BMPR1B: variants seen among roughly 807,000 people sequenced by gnomAD.
BMPR1B encodes the protein bone morphogenetic protein receptor type 1B, also known as bone morphogenetic protein receptor type-1B.
BMPR1B carries 12 observed loss-of-function variants against 59.1 expected under a neutral mutation model. The observed-to-expected ratio is 0.20, with a 90% CI of 0.13 to 0.33. BMPR1B has a LOEUF of 0.33. Among genes scored for constraint, BMPR1B ranks in the 10% least tolerant of loss-of-function variants. BMPR1B has a pLI of 1.00. For missense variants in BMPR1B, 550 were observed against 610.9 expected, an observed-to-expected ratio of 0.90 and a Z score of 1.05; for synonymous variants, 237 against 207.3, an observed-to-expected ratio of 1.14 and a Z score of -1.23.
At chr4:94,857,020 CAAGA>C (rs1041140485) in intron 1 of BMPR1B, among the ~76,000 whole-genome samples, 1 of 151,720 alleles carries the variant, frequency 6.6e-6, no homozygotes, top group Non-Finnish European at 1.5e-5. Context: ...GCAGAGGGGG[CAAGA>C]AAGAATTCAT....
chr4:94,975,357 G>GTTTTTTTTTTTTTTTT (rs1177887549), intron 2 of BMPR1B, among the ~76,000 whole-genome samples: 1 of 94,220 alleles, frequency 1.1e-5, no homozygotes. Flanking sequence ...ATTTCCTTTT[G>GTTTTTTTTTTTTTTTT]TTTTTGTTTT....
chr4:94,769,855 T>C (rs998103977), intron 1 of BMPR1B, among the ~76,000 whole-genome samples: 1 of 152,248 alleles, frequency 6.6e-6, no homozygotes, highest in African/African-American at 2.4e-5. Flanking sequence ...TTAGTTATCC[T>C]CAGTCTAAAC....
chr4:95,129,563 TC>T (rs1468036361), intron 8 of BMPR1B, among the ~76,000 whole-genome samples: 2 of 152,298 alleles, frequency 1.3e-5, no homozygotes, highest in Non-Finnish European at 2.9e-5. Context: ...AGTATTCTAC[TC>T]TGCTGATTAC....
At chr4:94,898,775 T>G (rs1727686160) in intron 2 of BMPR1B, among the ~76,000 whole-genome samples, 1 of 152,032 alleles carries the variant, frequency 6.6e-6, no homozygotes, top group South Asian at 2.1e-4. Flanking sequence ...TCCAGCACAC[T>G]AAAATAGGAT....
chr4:94,965,392 A>G (rs1444924), intron 2 of BMPR1B, among the ~76,000 whole-genome samples: 85,826 of 151,848 alleles, frequency 0.57, 25,443 homozygotes, highest in African/African-American at 0.73. Context: ...ATTCCACCAA[A>G]CTTAACTCTT....
At chr4:94,791,017 T>G (rs1722966340) in intron 1 of BMPR1B, among the ~76,000 whole-genome samples, 1 of 152,206 alleles carries the variant, frequency 6.6e-6, no homozygotes, top group Non-Finnish European at 1.5e-5. Context: ...AGATGGAGTC[T>G]TGCTCTGTTA....
At chr4:94,897,649 A>C (rs1452342076) in intron 2 of BMPR1B, among the ~76,000 whole-genome samples, 1 of 152,036 alleles carries the variant, frequency 6.6e-6, no homozygotes. Flanking sequence ...GTATAACATA[A>C]GGGTTTTTTT....
chr4:95,049,419 GTTTTTTTTTTT>G (rs761496965), intron 3 of BMPR1B, among the ~76,000 whole-genome samples: 12 of 77,376 alleles, frequency 1.6e-4, no homozygotes, highest in African/African-American at 2.6e-4. Context: ...CAGCATAAAA[GTTTTTTTTTTT>G]TTTTTTTTTT....
intron 2 of BMPR1B, among the ~76,000 whole-genome samples, chr4:94,956,429 G>A (rs1730144370): frequency 6.6e-6 from 1 of 151,966 alleles, no homozygotes; most frequent in African/African-American, 2.4e-5. Flanking sequence ...AAGATAAGAG[G>A]CTTTTATGTT....
At position 94,872,376 on chromosome 4, in the gene BMPR1B, AAT is replaced by A. The variant is rs374217081; in HGVS notation, c.-182-3453_-182-3452del. On this transcript the variant is annotated intron_variant, in intron 1 of 12. Coordinates refer to ENST00000515059, the MANE Select transcript of BMPR1B (RefSeq NM_001203.3). ...AAAGTCACTTTTTAAACCCAGAAGC[AAT>A]AGAGTATAAAAGCCCCTATCAATAG... 4.7e-4 allele frequency among the ~76,000 whole-genome samples: 72 copies of A among 152,374 alleles called. 2 individuals are homozygous for A. In the East Asian group the frequency reaches 8.7e-3, roughly 18 times the overall value.
rs992230465 is a variant in BMPR1B, at chr4:95,026,823, A to G, written c.-18+30689A>G. Among the ~76,000 whole-genome samples the G allele has an allele frequency of 7.3e-5, 11 of 151,200 alleles. No individual in the cohort carries two copies. In the East Asian group the frequency reaches 2.2e-3, roughly 30 times the overall value. On this transcript the variant is annotated intron_variant, in intron 3 of 12. Transcript: ENST00000515059. ...CTTATCCAGGATGGAGTGCAGTGAC[A>G]TGATCTAGCTCACTGCAGCCTCAAA...
At position 94,999,556 on chromosome 4, in the gene BMPR1B, T is replaced by C. The variant is rs139810626; in HGVS notation, c.-18+3422T>C. Among the ~76,000 whole-genome samples the C allele has an allele frequency of 3.0e-3, 460 of 152,224 alleles. 3 individuals carry two copies. The highest frequency in any genetic ancestry group is 0.011 in the African/African-American group (450 of 41,530). On this transcript the variant is annotated intron_variant, in intron 3 of 12. Transcript: ENST00000515059. Reference sequence around the variant, plus strand: ...AAATTCAGGATACATATTCCAAAAATGCTGTTTATGTAATTAATTTGGTGA... The same window carrying C: ...AAATTCAGGATACATATTCCAAAAACGCTGTTTATGTAATTAATTTGGTGA...
At position 95,103,349 on chromosome 4, in the gene BMPR1B, A is replaced by G. The variant is rs556663821; in HGVS notation, c.-17-1059A>G. On this transcript the variant is annotated intron_variant, in intron 3 of 12. Coordinates refer to ENST00000515059, the MANE Select transcript of BMPR1B (RefSeq NM_001203.3). ...CTTATACTTCTGACCTAAAATTTCA[A>G]TTTTTTAACCCAGCAATTTTTTAAT... 3.6e-4 allele frequency: 264 copies of G among 739,554 alleles called. No homozygotes were observed. The African/African-American group carries it at 4.5e-3, about 13-fold the overall frequency. The allele number at this position is 739,554 out of a possible 1,614,324, so 45.8% of individuals were successfully genotyped here.
In BMPR1B at chr4:95,006,960, G is replaced by A. The variant is rs148301892; in HGVS notation, c.-18+10826G>A. On this transcript the variant is annotated intron_variant, in intron 3 of 12. Coordinates refer to ENST00000515059, the MANE Select transcript of BMPR1B (RefSeq NM_001203.3). ...GAGAAGTAGTGCAGCAATTCATAAG[G>A]CTTTCACATTTACCAGGTGTCCAAA... is the stretch of plus-strand genomic sequence containing the variant. Among the ~76,000 whole-genome samples, 76 of 152,146 alleles carry A rather than the reference G, an allele frequency of 5.0e-4. No homozygotes were observed. In the East Asian group the frequency reaches 0.012, roughly 24 times the overall value.
rs1399901431 is a variant in BMPR1B at position 94,871,257 on chromosome 4, A to T, written c.-182-4574A>T. 2.0e-5 allele frequency among the ~76,000 whole-genome samples: 3 copies of T among 152,200 alleles called. No homozygotes were observed. In the East Asian group the frequency reaches 5.8e-4, roughly 29 times the overall value. ...ATATGTAAAGTACCGTGTGCTTATT[A>T]TGAGGATTAAATAAGCTAATGCGTA... On this transcript the variant is annotated intron_variant, in intron 1 of 12. Coordinates refer to ENST00000515059, the MANE Select transcript of BMPR1B (RefSeq NM_001203.3).
chr4:95,047,296 G>GA (rs1274330350), intron 3 of BMPR1B, among the ~76,000 whole-genome samples: 1 of 152,110 alleles, frequency 6.6e-6, no homozygotes, highest in Non-Finnish European at 1.5e-5. Context: ...ATTCCATCTA[G>GA]AAAACCACTT....
intron 2 of BMPR1B, among the ~76,000 whole-genome samples, chr4:94,979,904 T>C (rs758692430): frequency 6.6e-6 from 1 of 152,202 alleles, no homozygotes; most frequent in African/African-American, 2.4e-5. Context: ...CTGCATCTTA[T>C]TACTCCGGTT....
intron 1 of BMPR1B, among the ~76,000 whole-genome samples, chr4:94,790,969 C>T (rs1183952278): frequency 1.3e-5 from 2 of 151,988 alleles, no homozygotes; most frequent in Non-Finnish European, 2.9e-5. Flanking sequence ...TTGAAATTAA[C>T]CTTACCAAGT....
intron 1 of BMPR1B, among the ~76,000 whole-genome samples, chr4:94,875,316 G>A (rs1478265737): frequency 6.6e-6 from 1 of 152,160 alleles, no homozygotes; most frequent in African/African-American, 2.4e-5. Flanking sequence ...CTGTAATACT[G>A]TTTTAACAGT....
Sources: gnomAD v4.1 joint callset for allele counts (sites outside exome capture counted in the v4.1 genomes callset) on GRCh38, gnomAD v4.1.1 for gene constraint, MANE v1.5 for transcripts, NCBI Gene and HGNC (gene_info 2026-07-23, HGNC 2026-07-21) for gene names.